Variants in FPR3 observed in about 807,000 individuals in gnomAD.
FPR3 encodes the protein formyl peptide receptor 3, also known as N-formyl peptide receptor 3.
For synonymous variants in FPR3, 135 were observed against 163.6 expected (o/e 0.83, Z 1.34); for missense variants, 346 against 443.2 (o/e 0.78, Z 1.97).
rs1416742801 is a variant in FPR3 at position 51,826,017 on chromosome 19, T to A, written c.*1207T>A. On this transcript the variant is annotated 3_prime_UTR_variant, in exon 2 of 2. Transcript: ENST00000339223. The stretch of plus-strand genomic sequence containing the variant: ...TCTTCTATTCTTATTTGTTAAGAGT[T>A]TTCTTTTATTGTTTAAATCATGAAT... 6.0e-6 allele frequency: 1 copy of A among 166,146 alleles called. No homozygotes were observed. Among genetic ancestry groups the A allele is most frequent in the Admixed American group, 6.5e-5 (1 of 15,290 alleles). The allele number at this position is 166,146 out of a possible 1,614,324, so 10.3% of individuals were successfully genotyped here.
At chr19:51,810,161 G>C (rs536692217) in intron 1 of FPR3, among the ~76,000 whole-genome samples, 1 of 152,226 alleles carries the variant, frequency 6.6e-6, no homozygotes, top group South Asian at 2.1e-4. Flanking sequence ...GCTCCTTTTA[G>C]ATTTGTCAAC....
chr19:51,799,545 C>G (rs1332621531), intron 1 of FPR3, among the ~76,000 whole-genome samples: 1 of 152,230 alleles, frequency 6.6e-6, no homozygotes, highest in Admixed American at 6.5e-5. Context: ...CTGCATCAGA[C>G]AGCCCAGTCG....
At position 51,800,900 on chromosome 19, in the gene FPR3, T is replaced by C. The variant is rs567898743; in HGVS notation, c.-11+5569T>C. ...AGATGCCTAGAAATGCAAGTCACTT[T>C]AAAGATTTTATGTGAAATAGAAAAA... On this transcript the variant is annotated intron_variant, in intron 1 of 1. Transcript: ENST00000339223. Among the ~76,000 whole-genome samples, 5 of 152,290 alleles carry C rather than the reference T, an allele frequency of 3.3e-5. No homozygotes were observed. The East Asian group carries it at 7.7e-4, about 24-fold the overall frequency.
At chr19:51,804,815 T>C (rs2084047008) in intron 1 of FPR3, 1 of 151,994 alleles carries the variant, frequency 6.6e-6, no homozygotes, top group Non-Finnish European at 1.5e-5. Flanking sequence ...AAAGAGTATA[T>C]TTGGAAGAAG....
chr19:51,821,791 C>T (rs1367337301), intron 1 of FPR3, among the ~76,000 whole-genome samples: 1 of 151,470 alleles, frequency 6.6e-6, no homozygotes, highest in Non-Finnish European at 1.5e-5. Context: ...AAAAAAAAAC[C>T]TACAAAAACC....
intron 1 of FPR3, among the ~76,000 whole-genome samples, chr19:51,802,776 C>T (rs2084032890): frequency 6.6e-6 from 1 of 152,164 alleles, no homozygotes; most frequent in Non-Finnish European, 1.5e-5. Context: ...GAGTTCTCTT[C>T]TTCTATTGCT....
intron 1 of FPR3, among the ~76,000 whole-genome samples, chr19:51,814,729 G>A (rs1204131421): frequency 6.6e-6 from 1 of 151,988 alleles, no homozygotes; most frequent in Non-Finnish European, 1.5e-5. Context: ...CCTGACTCGG[G>A]TGATCTGCCC....
At chr19:51,804,782 G>A (rs566973536) in intron 1 of FPR3, 3 of 152,290 alleles carry the variant, frequency 2.0e-5, no homozygotes, top group South Asian at 4.1e-4. Context: ...GGGGGTGAAT[G>A]CAGGAATAAA....
chr19:51,810,543 G>A (rs922863543), intron 1 of FPR3, among the ~76,000 whole-genome samples: 3 of 152,162 alleles, frequency 2.0e-5, no homozygotes, highest in African/African-American at 7.2e-5. Context: ...TGACTTTCCA[G>A]GTCTGAATAA....
chr19:51,797,918 T>C (rs906548124), intron 1 of FPR3, among the ~76,000 whole-genome samples: 4 of 131,282 alleles, frequency 3.0e-5, no homozygotes, highest in Admixed American at 9.0e-5. Flanking sequence ...AGTCTCGCTC[T>C]GTTGCCAAGC....
intron 1 of FPR3, among the ~76,000 whole-genome samples, chr19:51,821,693 T>C (rs2084190866): frequency 6.6e-6 from 1 of 152,070 alleles, no homozygotes. Flanking sequence ...TGCAGCATTT[T>C]AGAGTTGCAA....
chr19:51,800,407 T>C (rs1016407639), intron 1 of FPR3, among the ~76,000 whole-genome samples: 2 of 152,158 alleles, frequency 1.3e-5, no homozygotes, highest in Non-Finnish European at 2.9e-5. Flanking sequence ...AGTATAAACC[T>C]GCAGAGGTGC....
chr19:51,812,090 G>A (rs889702108), intron 1 of FPR3, among the ~76,000 whole-genome samples: 2 of 152,140 alleles, frequency 1.3e-5, no homozygotes, highest in African/African-American at 4.8e-5. Context: ...GCCTATGTTG[G>A]AGGTAGGTTG....
chr19:51,802,215 AAT>A (rs1169773432), intron 1 of FPR3, among the ~76,000 whole-genome samples: 9 of 152,152 alleles, frequency 5.9e-5, no homozygotes, highest in Non-Finnish European at 1.2e-4. Flanking sequence ...AAAAAAAAAA[AAT>A]TCGTAAAAAT....
chr19:51,812,724 T>C (rs1284384273), intron 1 of FPR3, among the ~76,000 whole-genome samples: 1 of 152,220 alleles, frequency 6.6e-6, no homozygotes, highest in Non-Finnish European at 1.5e-5. Flanking sequence ...GACAACCTCC[T>C]CTAAGAAGAT....
At chr19:51,804,482 G>C (rs1330397432) in intron 1 of FPR3, among the ~76,000 whole-genome samples, 1 of 151,970 alleles carries the variant, frequency 6.6e-6, no homozygotes, top group Non-Finnish European at 1.5e-5. Context: ...TCAAAACAAA[G>C]TTTTACAATT....
At chr19:51,820,674 T>C (rs1304940525) in intron 1 of FPR3, among the ~76,000 whole-genome samples, 1 of 152,222 alleles carries the variant, frequency 6.6e-6, no homozygotes, top group Non-Finnish European at 1.5e-5. Context: ...CTGAGTCTGT[T>C]GAGGAACTAG....
At chr19:51,823,142 C>G (rs564595343) in intron 1 of FPR3, among the ~76,000 whole-genome samples, 37 of 152,276 alleles carry the variant, frequency 2.4e-4, no homozygotes, top group African/African-American at 8.9e-4. Flanking sequence ...GGGTTACAGG[C>G]ATGAGTCACC....
chr19:51,798,905 G>A (rs749976726), intron 1 of FPR3, among the ~76,000 whole-genome samples: 11 of 152,088 alleles, frequency 7.2e-5, no homozygotes, highest in Non-Finnish European at 1.5e-4. Context: ...TTGGGAGGCC[G>A]AGGAGTTCGA....
Sources: allele counts gnomAD v4.1 joint callset (sites outside exome capture counted in the v4.1 genomes callset), GRCh38; gene constraint gnomAD v4.1.1; transcripts MANE v1.5; gene names NCBI Gene and HGNC (gene_info 2026-07-23, HGNC 2026-07-21).